The following RSPH14 variants were observed in gnomAD, a reference collection of about 807,000 sequenced individuals.
The protein encoded by RSPH14 is radial spoke head 14 homolog, also known as rhabdoid tumor deletion region gene 1.
In RSPH14, 20 loss-of-function variants were observed where a neutral mutation model predicts 26.7. That is an observed-to-expected ratio of 0.75 (90% CI 0.53 to 1.09). RSPH14 has a LOEUF of 1.09. Among genes scored for constraint, RSPH14 ranks in the 50% least tolerant of loss-of-function variants. The pLI is 0.00. For synonymous variants in RSPH14, 177 were observed against 189.3 expected (o/e 0.93, Z 0.53); for missense variants, 449 against 457.2 (o/e 0.98, Z 0.16).
Position 23,071,881 on chromosome 22 carries a change from G to A in RSPH14, c.422-7748C>T, listed in dbSNP as rs1322060714. On this transcript the variant is annotated intron_variant, in intron 4 of 6. Transcript: ENST00000216036. This position sits in a 1 kb window ranked among gnomAD's most constrained non-coding sequence, Gnocchi z 4.1. ...ACTTGGGCAGTTAGGTCTGATGGGA[G>A]CACTTAGCATGCCTGGGGAGTAGGA... 6.6e-6 allele frequency among the ~76,000 whole-genome samples: 1 copy of A among 152,220 alleles called. No homozygotes were observed. The highest frequency in any genetic ancestry group is 1.9e-4 in the East Asian group (1 of 5,200).
At chr22:23,069,606 G>C (rs548150244) in intron 4 of RSPH14, among the ~76,000 whole-genome samples, 1 of 152,264 alleles carries the variant, frequency 6.6e-6, no homozygotes, top group South Asian at 2.1e-4. Context: ...GTCTGGGCTG[G>C]GGGCCAGCTC....
At chr22:23,173,767 C>T in the RSPH14 span, among the ~76,000 whole-genome samples, 1 of 152,000 alleles carries the variant, frequency 6.6e-6, no homozygotes. Flanking sequence ...AGTGCAGCAG[C>T]ACGATCTTGG....
intron 4 of RSPH14, chr22:23,095,632 CCT>C: frequency 6.5e-7 from 1 of 1,533,390 alleles, no homozygotes; most frequent in South Asian, 1.3e-5. Flanking sequence ...CTCAGTGTCC[CCT>C]GTGGCAAGAG....
rs1331296322 is a variant in RSPH14 at position 23,122,707 on chromosome 22, GGGGCAGCCTGTGGAT to G, written c.421+11304_421+11318del. 26 of 265,296 alleles carry G rather than the reference GGGGCAGCCTGTGGAT, an allele frequency of 9.8e-5. No homozygotes were observed. The East Asian group carries it at 1.1e-3, about 11-fold the overall frequency. The allele number at this position is 265,296 out of a possible 1,614,324, so 16.4% of individuals were successfully genotyped here. On this transcript the variant is annotated intron_variant, in intron 4 of 6. Transcript: ENST00000216036. ...AAGATGGCCTTCCTTGTACAGGTGTGGGGCAGCCTGTGGATGGGCAGTGGGAAGATGGGGGGTCCT... is the reference window on the plus strand; with the variant it reads ...AAGATGGCCTTCCTTGTACAGGTGTGGGGCAGTGGGAAGATGGGGGGTCCT...
At chr22:23,088,943 C>T (rs923972208) in intron 4 of RSPH14, among the ~76,000 whole-genome samples, 5 of 152,250 alleles carry the variant, frequency 3.3e-5, no homozygotes, top group Admixed American at 3.3e-4. Flanking sequence ...GCCTCTCCCC[C>T]AGTCACAGTC....
chr22:23,131,427 C>T, intron 4 of RSPH14: 1 of 280,986 alleles, frequency 3.6e-6, no homozygotes, highest in Non-Finnish European at 6.9e-6. Flanking sequence ...GGGAGGTTCA[C>T]AGGGTGCTTG....
the RSPH14 span, among the ~76,000 whole-genome samples, chr22:23,150,612 G>A: frequency 6.6e-6 from 1 of 152,064 alleles, no homozygotes; most frequent in Non-Finnish European, 1.5e-5. Flanking sequence ...GATGACTGGG[G>A]TTTTCATCTG....
At chr22:23,125,455 AG>A (rs2070159393) in intron 4 of RSPH14, among the ~76,000 whole-genome samples, 1 of 152,138 alleles carries the variant, frequency 6.6e-6, no homozygotes, top group African/African-American at 2.4e-5. Flanking sequence ...CCAGTAGTGT[AG>A]GGCAAACCTT....
At chr22:23,134,197 T>A (rs879783553) in intron 3 of RSPH14, 53 bp from the exon 4 acceptor site, 2 of 1,363,124 alleles carry the variant, frequency 1.5e-6, no homozygotes, top group Admixed American at 3.6e-5. Context: ...CCTGAGAGGC[T>A]CAAATTAGAA....
At chr22:23,146,755 C>T (rs529073532), upstream of RSPH14, 1,411 of 1,574,462 alleles carry the variant, frequency 9.0e-4, 6 homozygotes, top group South Asian at 3.1e-3. Context: ...ACTCTACACT[C>T]ATGCCTAGAA....
chr22:23,150,149 T>G, the RSPH14 span: 35 of 1,610,560 alleles, frequency 2.2e-5, no homozygotes, highest in African/African-American at 4.5e-4. Flanking sequence ...ACACGGGGAC[T>G]GTCGGGTGAG....
the RSPH14 span, chr22:23,153,265 G>A: frequency 1.4e-6 from 1 of 715,866 alleles, no homozygotes. Context: ...GGGGTGTTGT[G>A]TGACACTTAG....
chr22:23,166,146 TTAAA>T, the RSPH14 span, among the ~76,000 whole-genome samples: 4 of 82,176 alleles, frequency 4.9e-5, no homozygotes, highest in East Asian at 8.3e-4. Flanking sequence ...ACTCTGTCTT[TTAAA>T]AAAAAAAAAA....
the RSPH14 span, chr22:23,162,563 CCTG>C: frequency 6.7e-6 from 3 of 446,662 alleles, no homozygotes; most frequent in Non-Finnish European, 9.1e-6. Flanking sequence ...AACACCGCCT[CCTG>C]CACATGCAGA....
the RSPH14 span, chr22:23,160,795 A>C: frequency 2.0e-6 from 3 of 1,537,286 alleles, no homozygotes; most frequent in Non-Finnish European, 2.7e-6. Context: ...ACCTGAGGGT[A>C]GGCTAGCCTG....
At chr22:23,107,335 C>T (rs2146350036) in intron 4 of RSPH14, among the ~76,000 whole-genome samples, 1 of 152,284 alleles carries the variant, frequency 6.6e-6, no homozygotes, top group East Asian at 1.9e-4. Flanking sequence ...TAAAATGGGC[C>T]CCTCCCAAGC....
At chr22:23,166,149 A>T in the RSPH14 span, among the ~76,000 whole-genome samples, 37 of 16,044 alleles carry the variant, frequency 2.3e-3, no homozygotes, top group Non-Finnish European at 5.4e-3. Context: ...CTGTCTTTTA[A>T]AAAAAAAAAA....
the RSPH14 span, among the ~76,000 whole-genome samples, chr22:23,177,696 G>C: frequency 6.6e-6 from 1 of 152,164 alleles, no homozygotes; most frequent in Admixed American, 6.5e-5. Context: ...GCCAGAAGAG[G>C]CTGTCCCACA....
intron 4 of RSPH14, among the ~76,000 whole-genome samples, chr22:23,128,769 G>A (rs1421811573): frequency 2.0e-5 from 3 of 152,224 alleles, no homozygotes; most frequent in African/African-American, 7.2e-5. Context: ...GAAGGAATGA[G>A]CAAGCAGGTA....
Sources: allele counts gnomAD v4.1 joint callset (sites outside exome capture counted in the v4.1 genomes callset), GRCh38; gene constraint gnomAD v4.1.1; non-coding constraint Gnocchi (gnomAD v3.1); transcripts MANE v1.5; gene names NCBI Gene and HGNC (gene_info 2026-07-23, HGNC 2026-07-21).